The following RNGTT variants were observed in gnomAD, a reference collection of about 807,000 sequenced individuals.
RNGTT encodes mRNA-capping enzyme.
In RNGTT, 33 loss-of-function variants were observed where a neutral mutation model predicts 79.3. The ratio of observed to expected loss-of-function variants is 0.42; its 90% CI spans 0.32 to 0.56. RNGTT has a LOEUF of 0.56. Ranked by LOEUF, RNGTT falls within the 20% of genes least tolerant of loss-of-function variation. RNGTT has a pLI of 0.17. For synonymous variants in RNGTT, 222 were observed against 235.9 expected (o/e 0.94, Z 0.54); for missense variants, 497 against 739.1 (o/e 0.67, Z 3.80).
intron 8 of RNGTT, among the ~76,000 whole-genome samples, chr6:88,863,692 T>C (rs1782082864): frequency 6.6e-6 from 1 of 152,188 alleles, no homozygotes; most frequent in African/African-American, 2.4e-5. Flanking sequence ...TGTCAGTTTC[T>C]AGATTCCTCT....
intron 12 of RNGTT, among the ~76,000 whole-genome samples, chr6:88,790,992 G>A (rs959147053): frequency 7.2e-5 from 11 of 152,092 alleles, no homozygotes; most frequent in African/African-American, 2.7e-4. Context: ...ACTTTGGTGG[G>A]CTGAAAAATG....
rs144676673 is a variant in RNGTT at position 88,932,540 on chromosome 6, C to G, written c.175-3273G>C. The stretch of plus-strand genomic sequence containing the variant: ...CAGGGGGCATCACGGAACCTGCTGA[C>G]ATGTGTCTCCCCTGGACACCCAGCT... On this transcript the variant is annotated intron_variant, in intron 2 of 15. Transcript: ENST00000369485. 1.9e-3 allele frequency among the ~76,000 whole-genome samples: 288 copies of G among 152,262 alleles called. 2 individuals carry two copies. The highest frequency in any genetic ancestry group is 6.7e-3 in the African/African-American group (278 of 41,538).
chr6:88,954,171 C>T (rs1238811103), intron 1 of RNGTT, among the ~76,000 whole-genome samples: 1 of 152,138 alleles, frequency 6.6e-6, no homozygotes, highest in Admixed American at 6.5e-5. Flanking sequence ...CCAAATGCTC[C>T]TTTTAAAAGA....
Position 88,632,544 on chromosome 6 carries a change from G to GACACACACACACACAC in RNGTT, c.1507-18165_1507-18150dup, listed in dbSNP as rs55920605. On this transcript the variant is annotated intron_variant, in intron 14 of 15. Transcript: ENST00000369485. ...CCAACTACAGACACACAGACACACA[G>GACACACACACACACAC]ACACACACACACACACACACACACA... Among the ~76,000 whole-genome samples the GACACACACACACACAC allele has an allele frequency of 1.9e-4, 25 of 133,044 alleles. No homozygotes were observed. In the East Asian group the frequency reaches 3.5e-3, roughly 19 times the overall value. 87.3% of individuals were successfully genotyped at this position (133,044 alleles called of 152,430 possible).
chr6:88,904,349 G>T, intron 6 of RNGTT, among the ~76,000 whole-genome samples: 1 of 152,114 alleles, frequency 6.6e-6, no homozygotes, highest in Non-Finnish European at 1.5e-5. Context: ...AAGGTAGGAG[G>T]ATCACTTTGA....
chr6:88,926,506 G>A (rs915168634), intron 4 of RNGTT, among the ~76,000 whole-genome samples: 2 of 152,178 alleles, frequency 1.3e-5, no homozygotes, highest in African/African-American at 4.8e-5. Flanking sequence ...TGAAATTAAT[G>A]TGGAAACAAG....
chr6:88,895,229 C>CTGTGTGTGTGTGTGTG (rs5878081), intron 6 of RNGTT, among the ~76,000 whole-genome samples: 3 of 145,108 alleles, frequency 2.1e-5, no homozygotes, highest in African/African-American at 5.1e-5. Context: ...AGAGAGAGCT[C>CTGTGTGTGTGTGTGTG]TGTGTGTGTG....
At chr6:88,730,009 T>C (rs1474863000) in intron 13 of RNGTT, among the ~76,000 whole-genome samples, 1 of 152,172 alleles carries the variant, frequency 6.6e-6, no homozygotes, top group Non-Finnish European at 1.5e-5. Flanking sequence ...CTCATAAAAA[T>C]GGCACTTACT....
Position 88,901,495 on chromosome 6 carries a change from CTTTTTTTTTTTTTT to C in RNGTT, c.684+3206_684+3219del, listed in dbSNP as rs71024314. ...AAAAATAACTGTCAAGCACCCTGAT[CTTTTTTTTTTTTTT>C]TTTTTTTTTTTTTTTGAGATGGAGT... is the stretch of plus-strand genomic sequence containing the variant. On this transcript the variant is annotated intron_variant, in intron 6 of 15. Coordinates refer to ENST00000369485, the MANE Select transcript of RNGTT (RefSeq NM_003800.5). 9.1e-5 allele frequency among the ~76,000 whole-genome samples: 6 copies of C among 65,776 alleles called. No homozygotes were observed. The South Asian group carries it at 2.5e-3, about 27-fold the overall frequency. 43.2% of individuals were successfully genotyped at this position (65,776 alleles called of 152,430 possible).
intron 11 of RNGTT, among the ~76,000 whole-genome samples, chr6:88,803,666 CA>C (rs34399112): frequency 0.37 from 46,885 of 127,056 alleles, 8,014 homozygotes; most frequent in African/African-American, 0.51. Context: ...TCTCTTTTTT[CA>C]AAAAAAAAAA....
intron 12 of RNGTT, among the ~76,000 whole-genome samples, chr6:88,794,985 C>T (rs1779546822): frequency 6.6e-6 from 1 of 152,088 alleles, no homozygotes; most frequent in African/African-American, 2.4e-5. Flanking sequence ...GAAAAATCTC[C>T]ATATCAGAGA....
chr6:88,891,866 G>T lies in RNGTT; in HGVS notation c.734C>A (p.Thr245Lys). The T allele has an allele frequency of 6.2e-7, 1 of 1,603,518 alleles. No homozygotes were observed. The highest frequency in any genetic ancestry group is 8.5e-7 in the Non-Finnish European group (1 of 1,174,992). ...TACCTCTCCTAACTTTGGTTGTGTTGTTACTTGAGTTACACCTTTAACAGT... is the reference window on the plus strand; with the variant it reads ...TACCTCTCCTAACTTTGGTTGTGTTTTTACTTGAGTTACACCTTTAACAGT... ...GVTVKGVTQV[T>K]TQPKLGEVQQ... is the part of the protein sequence containing the mutation. The change falls in exon 7 of 16, where the codon ACA (threonine) becomes AAA (lysine). Residue 245 changes from threonine to lysine, a missense_variant. Coordinates refer to ENST00000369485, the MANE Select transcript of RNGTT (RefSeq NM_003800.5).
chr6:88,697,820 G>A (rs531978407), intron 13 of RNGTT, among the ~76,000 whole-genome samples: 6 of 149,096 alleles, frequency 4.0e-5, no homozygotes, highest in African/African-American at 7.4e-5. Flanking sequence ...GCAGTAAGCC[G>A]AGACTGCACC....
rs1024815322 is a variant in RNGTT, at chr6:88,675,346, T to C, written c.1506+3007A>G. 2.6e-5 allele frequency among the ~76,000 whole-genome samples: 4 copies of C among 152,184 alleles called. No homozygotes were observed. The East Asian group carries it at 5.8e-4, about 22-fold the overall frequency. On this transcript the variant is annotated intron_variant, in intron 14 of 15. Coordinates refer to ENST00000369485, the MANE Select transcript of RNGTT (RefSeq NM_003800.5). ...AGATAAGAAGCAAGACAAGTATGTC[T>C]GTTCTTGCCATTTCTACTCAACTCT...
At chr6:88,929,677 C>T (rs1360204970) in intron 2 of RNGTT, among the ~76,000 whole-genome samples, 3 of 152,014 alleles carry the variant, frequency 2.0e-5, no homozygotes, top group Non-Finnish European at 2.9e-5. Flanking sequence ...AAGCTCTCGG[C>T]ACAAATCACC....
intron 1 of RNGTT, among the ~76,000 whole-genome samples, chr6:88,948,486 G>A (rs1582167178): frequency 7.4e-6 from 1 of 135,918 alleles, no homozygotes; most frequent in African/African-American, 2.8e-5. Flanking sequence ...CGGGAGGGAG[G>A]TGGGGGGGTC....
chr6:88,933,777 A>G (rs1487891240), intron 2 of RNGTT, among the ~76,000 whole-genome samples: 2 of 152,162 alleles, frequency 1.3e-5, no homozygotes, highest in African/African-American at 4.8e-5. Flanking sequence ...ATAGTATTCC[A>G]TTGTGTATAT....
intron 6 of RNGTT, among the ~76,000 whole-genome samples, chr6:88,898,518 G>T (rs954694562): frequency 5.3e-5 from 8 of 151,290 alleles, no homozygotes; most frequent in Non-Finnish European, 1.2e-4. Flanking sequence ...TTTATGGATT[G>T]ATAGCCTCTC....
chr6:88,630,264 C>T (rs1353303266), intron 14 of RNGTT, among the ~76,000 whole-genome samples: 1 of 152,208 alleles, frequency 6.6e-6, no homozygotes, highest in Admixed American at 6.5e-5. Context: ...CCAAAGAAGA[C>T]ACAGTGGATC....
Sources: allele counts gnomAD v4.1 joint callset (sites outside exome capture counted in the v4.1 genomes callset), GRCh38; gene constraint gnomAD v4.1.1; transcripts MANE v1.5; gene names NCBI Gene and HGNC (gene_info 2026-07-23, HGNC 2026-07-21).